The following ITGA8 variants were observed in gnomAD, a reference collection of about 807,000 sequenced individuals.
The protein encoded by ITGA8 is integrin alpha-8.
ITGA8 carries 91 observed loss-of-function variants against 142.3 expected under a neutral mutation model. That is an observed-to-expected ratio of 0.64 (90% CI 0.54 to 0.76). ITGA8 has a LOEUF of 0.76. Among genes scored for constraint, ITGA8 ranks in the 30% least tolerant of loss-of-function variants. The probability of loss-of-function intolerance (pLI) is 0.00; values close to 1 mark genes in which losing one functional copy is unlikely to be tolerated. For missense variants in ITGA8, 1,406 were observed against 1,327.7 expected (o/e 1.06, Z -0.92); for synonymous variants, 505 against 485.2 (o/e 1.04, Z -0.54).
intron 27 of ITGA8, among the ~76,000 whole-genome samples, chr10:15,533,943 G>A (rs1015756236): frequency 1.3e-5 from 2 of 148,512 alleles, no homozygotes; most frequent in Non-Finnish European, 3.0e-5. Context: ...GTCTCATTCT[G>A]TTGCCCAGGC....
intron 11 of ITGA8, among the ~76,000 whole-genome samples, chr10:15,648,484 C>A (rs1834027499): frequency 6.8e-6 from 1 of 147,926 alleles, no homozygotes; most frequent in Non-Finnish European, 1.5e-5. Context: ...ATATAAAGGT[C>A]AAGAAACAAT....
At chr10:15,706,407 C>T (rs1368787172) in intron 2 of ITGA8, among the ~76,000 whole-genome samples, 2 of 151,968 alleles carry the variant, frequency 1.3e-5, no homozygotes, top group Non-Finnish European at 2.9e-5. Context: ...CTTGCTTCTG[C>T]TCTTCCTTGT....
At chr10:15,582,756 A>G (rs369093953) in intron 23 of ITGA8, among the ~76,000 whole-genome samples, 2 of 152,288 alleles carry the variant, frequency 1.3e-5, no homozygotes, top group African/African-American at 4.8e-5. Flanking sequence ...GAATGACTAA[A>G]TACAAACCAA....
At chr10:15,594,586 C>T (rs181636596) in intron 21 of ITGA8, among the ~76,000 whole-genome samples, 8 of 152,140 alleles carry the variant, frequency 5.3e-5, no homozygotes, top group Admixed American at 4.6e-4. Flanking sequence ...AGTTCAAGAC[C>T]GGCCTGGCCA....
intron 2 of ITGA8, among the ~76,000 whole-genome samples, chr10:15,696,401 A>G (rs1201729943): frequency 6.6e-6 from 1 of 152,208 alleles, no homozygotes; most frequent in East Asian, 1.9e-4. Context: ...GTAATATGTA[A>G]GAGTCCCCAA....
At position 15,592,305 on chromosome 10, in the gene ITGA8, C is replaced by A. The variant is rs1311200578; in HGVS notation, c.2212-1G>T. The A allele has an allele frequency of 6.2e-7, 1 of 1,607,702 alleles. No homozygotes were observed. Among genetic ancestry groups the A allele is most frequent in the South Asian group, 1.1e-5 (1 of 90,708 alleles). On this transcript the variant is annotated splice_acceptor_variant, in intron 21 of 29. Coordinates refer to ENST00000378076, the MANE Select transcript of ITGA8 (RefSeq NM_003638.3). LOFTEE classifies it high-confidence loss of function. Reference sequence around the variant, plus strand: ...CTGCAAATCGGAGGCCCAGGGAATACTAAAAAATAAAATAAAATCACACAA... The same window carrying A: ...CTGCAAATCGGAGGCCCAGGGAATAATAAAAAATAAAATAAAATCACACAA...
At chr10:15,547,989 C>T (rs1176952070) in intron 27 of ITGA8, among the ~76,000 whole-genome samples, 2 of 152,104 alleles carry the variant, frequency 1.3e-5, no homozygotes, top group African/African-American at 4.8e-5. Context: ...ACCAGTTCAT[C>T]TTGTTCAACT....
At chr10:15,663,359 T>C (rs1588706883) in intron 8 of ITGA8, among the ~76,000 whole-genome samples, 1 of 152,196 alleles carries the variant, frequency 6.6e-6, no homozygotes. Context: ...TATTTTATTT[T>C]AGATATTTTA....
chr10:15,714,576 G>A (rs1206253978), intron 2 of ITGA8, among the ~76,000 whole-genome samples: 1 of 152,114 alleles, frequency 6.6e-6, no homozygotes, highest in African/African-American at 2.4e-5. Context: ...TATGCTTCTA[G>A]TATTCATGCA....
intron 26 of ITGA8, among the ~76,000 whole-genome samples, chr10:15,554,606 T>C (rs1833855642): frequency 6.6e-6 from 1 of 152,166 alleles, no homozygotes; most frequent in South Asian, 2.1e-4. Flanking sequence ...GCCACTAAAT[T>C]GGCTGAGAGA....
At chr10:15,631,417 G>T (rs1250043529) in intron 13 of ITGA8, among the ~76,000 whole-genome samples, 5 of 151,958 alleles carry the variant, frequency 3.3e-5, no homozygotes, top group Middle Eastern at 3.4e-3. Context: ...TCCTTTGCGG[G>T]GACATGGATG....
At chr10:15,542,655 T>C (rs1833593806) in intron 27 of ITGA8, among the ~76,000 whole-genome samples, 1 of 152,202 alleles carries the variant, frequency 6.6e-6, no homozygotes, top group Admixed American at 6.5e-5. Flanking sequence ...TAGTAATCTT[T>C]AGTTCAGCAG....
intron 26 of ITGA8, among the ~76,000 whole-genome samples, chr10:15,557,336 C>T (rs1159142758): frequency 1.3e-5 from 2 of 152,090 alleles, no homozygotes; most frequent in East Asian, 1.9e-4. Flanking sequence ...GCTGAGATTG[C>T]ACCACTGCAC....
chr10:15,650,795 G>C (rs1412376978), intron 11 of ITGA8, among the ~76,000 whole-genome samples: 1 of 152,010 alleles, frequency 6.6e-6, no homozygotes, highest in Non-Finnish European at 1.5e-5. Context: ...TTTATTAAAA[G>C]AATACAGATT....
chr10:15,604,003 T>C (rs1179555090), intron 20 of ITGA8, among the ~76,000 whole-genome samples: 1 of 152,174 alleles, frequency 6.6e-6, no homozygotes, highest in Non-Finnish European at 1.5e-5. Context: ...CAATCTATCT[T>C]TGCACTGTGG....
intron 20 of ITGA8, among the ~76,000 whole-genome samples, chr10:15,599,471 A>C (rs528766083): frequency 8.1e-4 from 123 of 152,288 alleles, no homozygotes; most frequent in African/African-American, 2.9e-3. Flanking sequence ...TTATAACAGC[A>C]GTGGAAACAC....
chr10:15,713,741 A>G (rs1835401642), intron 2 of ITGA8, among the ~76,000 whole-genome samples: 1 of 152,136 alleles, frequency 6.6e-6, no homozygotes, highest in African/African-American at 2.4e-5. Flanking sequence ...ACACAAAATA[A>G]AACAGACCCC....
rs560348517 is a variant in ITGA8, at chr10:15,529,791, C to T, written c.2982+1259G>A. ...TAGAAAGAGATGACAATATTATCAA[C>T]TTATCTACCATCCAAAGCAGTGCTT... On this transcript the variant is annotated intron_variant, in intron 28 of 29. Transcript: ENST00000378076. 4.5e-4 allele frequency among the ~76,000 whole-genome samples: 69 copies of T among 152,328 alleles called. 1 individual carries two copies. In the South Asian group the frequency reaches 0.012, roughly 27 times the overall value.
In ITGA8 at chr10:15,608,586, T is replaced by G. The variant is rs2275619; in HGVS notation, c.1554-296A>C. On this transcript the variant is annotated intron_variant, in intron 15 of 29. Coordinates refer to ENST00000378076, the MANE Select transcript of ITGA8 (RefSeq NM_003638.3). The stretch of plus-strand genomic sequence containing the variant: ...TTACTTGTTGCTTTTATTCAATGAA[T>G]ACAGGTCAGTATCTTCCATGTGCCA... Among the ~76,000 whole-genome samples the G allele has an allele frequency of 0.42, 63,544 of 151,932 alleles. 13,488 individuals carry two copies. Among genetic ancestry groups the G allele is most frequent in the South Asian group, 0.6 (2,876 of 4,822 alleles).
Sources: allele counts gnomAD v4.1 joint callset (sites outside exome capture counted in the v4.1 genomes callset), GRCh38; gene constraint gnomAD v4.1.1; transcripts MANE v1.5; gene names NCBI Gene and HGNC (gene_info 2026-07-23, HGNC 2026-07-21).